The following HDAC9 variants were observed in gnomAD, a reference collection of about 807,000 sequenced individuals.
The protein encoded by HDAC9 is MEF-2 interacting transcription repressor (MITR) protein.
Under a neutral mutation model 139.4 loss-of-function variants are expected in HDAC9, and 41 were observed. That is an observed-to-expected ratio of 0.29 (90% CI 0.23 to 0.38). The LOEUF (loss-of-function observed/expected upper bound fraction) is 0.38. Among genes scored for constraint, HDAC9 ranks in the 10% least tolerant of loss-of-function variants. The pLI is 1.00. For missense variants in HDAC9, 1,147 were observed against 1,297.0 expected, an observed-to-expected ratio of 0.88 and a Z score of 1.78; for synonymous variants, 517 against 476.2, an observed-to-expected ratio of 1.09 and a Z score of -1.12.
intron 1 of HDAC9, among the ~76,000 whole-genome samples, chr7:18,449,977 A>G (rs747926971): frequency 6.6e-6 from 1 of 152,210 alleles, no homozygotes; most frequent in Non-Finnish European, 1.5e-5. Context: ...GACATTAAAT[A>G]TTTCCAACTG....
At chr7:18,675,500 A>C (rs970653593) in intron 12 of HDAC9, among the ~76,000 whole-genome samples, 1 of 152,088 alleles carries the variant, frequency 6.6e-6, no homozygotes, top group African/African-American at 2.4e-5. Flanking sequence ...GTACACAGTA[A>C]AAATTAGCTA....
chr7:18,978,378 G>C (rs747728987), intron 25 of HDAC9, among the ~76,000 whole-genome samples: 10 of 152,084 alleles, frequency 6.6e-5, no homozygotes, highest in Non-Finnish European at 1.5e-4. Context: ...AGTATTTTTT[G>C]TTCGTTTTTC....
intron 2 of HDAC9, among the ~76,000 whole-genome samples, chr7:18,265,235 T>C (rs302184): frequency 0.071 from 10,741 of 152,294 alleles, 917 homozygotes; most frequent in African/African-American, 0.2. Context: ...AGTGTTTCAA[T>C]TGAATTGATG....
chr7:18,251,287 A>G (rs907986934), intron 2 of HDAC9, among the ~76,000 whole-genome samples: 2 of 152,200 alleles, frequency 1.3e-5, no homozygotes, highest in African/African-American at 4.8e-5. Flanking sequence ...GTTCTCACTT[A>G]TAAGTGAGAG....
chr7:18,456,366 T>C (rs577584401), intron 1 of HDAC9, among the ~76,000 whole-genome samples: 46 of 152,124 alleles, frequency 3.0e-4, no homozygotes, highest in African/African-American at 8.7e-4. Flanking sequence ...CCTCCCAAGT[T>C]ACTGGGACAC....
intron 1 of HDAC9, among the ~76,000 whole-genome samples, chr7:18,126,081 A>T (rs1210689425): frequency 6.6e-6 from 1 of 152,132 alleles, no homozygotes; most frequent in Non-Finnish European, 1.5e-5. Context: ...TATATAGTCA[A>T]CTACTCTAAA....
intron 1 of HDAC9, among the ~76,000 whole-genome samples, chr7:18,325,008 C>T (rs984120398): frequency 2.0e-5 from 3 of 152,014 alleles, no homozygotes; most frequent in Non-Finnish European, 2.9e-5. Context: ...TTGCTGTAAA[C>T]CATAGAGCTT....
chr7:18,423,572 A>G (rs1789840788), intron 1 of HDAC9, among the ~76,000 whole-genome samples: 1 of 152,242 alleles, frequency 6.6e-6, no homozygotes, highest in Non-Finnish European at 1.5e-5. Flanking sequence ...ATGGTTCTGC[A>G]TTTTGGACAG....
intron 19 of HDAC9, 108 bp from the exon 20 acceptor site, chr7:18,835,359 A>G: frequency 8.2e-7 from 1 of 1,219,336 alleles, no homozygotes; most frequent in South Asian, 1.7e-5. Context: ...AGAAGACAGA[A>G]AATGAGAAAG....
chr7:18,454,625 T>C (rs1241842627), intron 1 of HDAC9, among the ~76,000 whole-genome samples: 1 of 152,028 alleles, frequency 6.6e-6, no homozygotes, highest in Non-Finnish European at 1.5e-5. Context: ...AATTTATTTA[T>C]TTACTTTTCT....
chr7:18,395,560 C>CCTCCCCA (rs1786948877), intron 1 of HDAC9, among the ~76,000 whole-genome samples: 3 of 150,424 alleles, frequency 2.0e-5, no homozygotes, highest in African/African-American at 7.3e-5. Context: ...AAACTAGATA[C>CCTCCCCA]CTCCCCACTC....
chr7:18,975,932 C>A lies in HDAC9; in HGVS notation c.3149C>A (p.Pro1050His), dbSNP rs1261245056. 4 of 1,613,588 alleles carry A rather than the reference C, an allele frequency of 2.5e-6. No individual in the cohort carries two copies. The East Asian group carries it at 8.9e-5, about 36-fold the overall frequency. The change falls in exon 25 of 26, where the codon CCC (proline) becomes CAC (histidine). Residue 1050 changes from proline (P) to histidine (H), a missense_variant. By Grantham distance (77) the Pro-to-His change is moderately conservative. Transcript: ENST00000686413. ...LASLTVDVEQ[P>H]FAQEDSRTAG... The stretch of plus-strand genomic sequence containing the variant: ...TCCCTAACAGTGGATGTGGAACAGC[C>A]CTTTGCTCAGGAAGACAGCAGGTAT...
intron 2 of HDAC9, among the ~76,000 whole-genome samples, chr7:18,209,466 T>C (rs528511889): frequency 9.7e-4 from 148 of 152,314 alleles, no homozygotes; most frequent in African/African-American, 3.4e-3. Flanking sequence ...ACTTAAGATA[T>C]AGTCTTCTCT....
At chr7:18,574,220 C>T (rs1196615800) in intron 2 of HDAC9, among the ~76,000 whole-genome samples, 1 of 152,210 alleles carries the variant, frequency 6.6e-6, no homozygotes, top group Non-Finnish European at 1.5e-5. Context: ...CAACACGTGT[C>T]CAGCTTTCAG....
rs757689693 is a variant in HDAC9 at position 18,719,331 on chromosome 7, C to CTTTTTTTTTTTTTTTTTTTTTTTTTTTTT, written c.1732-8223_1732-8222insTTTTTTTTTTTTTTTTTTTTTTTTTTTTT. Among the ~76,000 whole-genome samples the CTTTTTTTTTTTTTTTTTTTTTTTTTTTTT allele has an allele frequency of 2.4e-4, 18 of 73,914 alleles. 2 individuals carry two copies. Among genetic ancestry groups the CTTTTTTTTTTTTTTTTTTTTTTTTTTTTT allele is most frequent in the South Asian group, 5.5e-4 (1 of 1,824 alleles). 48.5% of individuals were successfully genotyped at this position (73,914 alleles called of 152,430 possible). A position where few individuals can be genotyped will look rare whatever the true frequency, so the allele number is the denominator to read the frequency against. On this transcript the variant is annotated intron_variant, in intron 12 of 25. Coordinates refer to ENST00000686413, the MANE Select transcript of HDAC9 (RefSeq NM_178425.4). ...CTAATTAACCTATTTTTTTCTCTTC[C>CTTTTTTTTTTTTTTTTTTTTTTTTTTTTT]TTTTTTTTTTTTTTTTTTTTTTTTT... is the stretch of plus-strand genomic sequence containing the variant.
intron 5 of HDAC9, among the ~76,000 whole-genome samples, chr7:18,592,736 A>G (rs1831346487): frequency 6.6e-6 from 1 of 152,158 alleles, no homozygotes; most frequent in South Asian, 2.1e-4. Flanking sequence ...AATTTCTGTC[A>G]TGTATATCAG....
chr7:18,308,117 C>T (rs954864722), intron 1 of HDAC9, among the ~76,000 whole-genome samples: 1 of 152,106 alleles, frequency 6.6e-6, no homozygotes, highest in South Asian at 2.1e-4. Flanking sequence ...AAGAACTTTG[C>T]CTTAATTTAT....
At chr7:18,263,609 T>C (rs1795815296) in intron 2 of HDAC9, among the ~76,000 whole-genome samples, 1 of 99,266 alleles carries the variant, frequency 1.0e-5, no homozygotes, top group Admixed American at 1.3e-4. Context: ...GAGTTTATAA[T>C]TGACTTTTTT....
At chr7:18,623,049 T>G (rs900978837) in intron 6 of HDAC9, among the ~76,000 whole-genome samples, 2 of 150,896 alleles carry the variant, frequency 1.3e-5, no homozygotes, top group African/African-American at 4.9e-5. Flanking sequence ...GAGGCTGAGG[T>G]AGGAGGATCT....
Sources: allele counts gnomAD v4.1 joint callset (sites outside exome capture counted in the v4.1 genomes callset), GRCh38; gene constraint gnomAD v4.1.1; transcripts MANE v1.5; gene names NCBI Gene and HGNC (gene_info 2026-07-23, HGNC 2026-07-21).